The following SPTLC2 variants were observed in gnomAD, a reference collection of about 807,000 sequenced individuals.
The protein encoded by SPTLC2 is serine palmitoyltransferase 2.
SPTLC2 carries 21 observed loss-of-function variants against 62.0 expected under a neutral mutation model. That is an observed-to-expected ratio of 0.34 (90% CI 0.24 to 0.49). SPTLC2 has a LOEUF of 0.49. Ranked by LOEUF, SPTLC2 falls within the 20% of genes least tolerant of loss-of-function variation. The probability of loss-of-function intolerance (pLI) is 0.99; values close to 1 mark genes in which losing one functional copy is unlikely to be tolerated. For synonymous variants in SPTLC2, 261 were observed against 261.8 expected (o/e 1.00, Z 0.03); for missense variants, 511 against 713.0 (o/e 0.72, Z 3.23).
At chr14:77,539,987 G>A (rs988186812) in intron 9 of SPTLC2, among the ~76,000 whole-genome samples, 4 of 151,880 alleles carry the variant, frequency 2.6e-5, no homozygotes, top group African/African-American at 7.3e-5. Context: ...ACCTGGGGTC[G>A]GGAGTTCTAG....
Position 77,508,883 on chromosome 14 carries a change from A to T in SPTLC2, c.*3401T>A, listed in dbSNP as rs2079318736. The T allele has an allele frequency of 6.6e-6, 1 of 152,240 alleles. No individual in the cohort carries two copies. The highest frequency in any genetic ancestry group is 2.1e-4 in the South Asian group (1 of 4,838). 9.4% of individuals were successfully genotyped at this position (152,240 alleles called of 1,614,324 possible). A position where few individuals can be genotyped will look rare whatever the true frequency, so the allele number is the denominator to read the frequency against. The stretch of plus-strand genomic sequence containing the variant: ...GCTATCTTCAAAGCCCAGCACCACC[A>T]TATATTGGTTTTCTCTAGAGTTGGA... On this transcript the variant is annotated 3_prime_UTR_variant, in exon 12 of 12. Transcript: ENST00000216484.
chr14:77,599,513 G>C (rs1305615409), intron 1 of SPTLC2, among the ~76,000 whole-genome samples: 2 of 152,222 alleles, frequency 1.3e-5, no homozygotes, highest in African/African-American at 4.8e-5. Flanking sequence ...GACTGGAATA[G>C]TTCGGAAAGA....
intron 11 of SPTLC2, among the ~76,000 whole-genome samples, chr14:77,516,420 G>A (rs536566989): frequency 4.6e-5 from 7 of 152,232 alleles, no homozygotes; most frequent in African/African-American, 1.7e-4. Context: ...ACTGGTTATA[G>A]TTACACAGAC....
At chr14:77,610,287 A>G (rs554746596) in intron 1 of SPTLC2, among the ~76,000 whole-genome samples, 89 of 152,152 alleles carry the variant, frequency 5.8e-4, no homozygotes, top group African/African-American at 2.1e-3. Flanking sequence ...GATTATAGGC[A>G]CACACCACCA....
At position 77,506,046 on chromosome 14, in the gene SPTLC2, GCTT is replaced by G. The variant is rs1594961857; in HGVS notation, c.*6235_*6237del. 1 of 152,154 alleles carries G rather than the reference GCTT, an allele frequency of 6.6e-6. No homozygotes were observed. The highest frequency in any genetic ancestry group is 1.5e-5 in the Non-Finnish European group (1 of 68,022). 9.4% of individuals were successfully genotyped at this position (152,154 alleles called of 1,614,324 possible). A position where few individuals can be genotyped will look rare whatever the true frequency, so the allele number is the denominator to read the frequency against. On this transcript the variant is annotated 3_prime_UTR_variant, in exon 12 of 12. Coordinates refer to ENST00000216484, the MANE Select transcript of SPTLC2 (RefSeq NM_004863.4). ...GCAAAACAAGATATTTGCATGGGAT[GCTT>G]CTTAAGTCATCTCAAGTAGTTCCCC...
chr14:77,578,977 G>T lies in SPTLC2; in HGVS notation c.460C>A (p.His154Asn), dbSNP rs1205341271. The T allele has an allele frequency of 3.7e-6, 6 of 1,613,898 alleles. No individual in the cohort carries two copies. Among genetic ancestry groups the T allele is most frequent in the Non-Finnish European group, 5.1e-6 (6 of 1,180,016 alleles). ...CACTTGAAGGACCAGTTATAATCATGAGACTGTCTCTCCATGATGTCCACC... is the reference window on the plus strand; with the variant it reads ...CACTTGAAGGACCAGTTATAATCATTAGACTGTCTCTCCATGATGTCCACC... ...ARVDIMERQS[H>N]DYNWSFKYTG... Residue 154 changes from histidine to asparagine, a missense_variant, in exon 3 of 12, where the codon CAT (histidine) becomes AAT (asparagine). Coordinates refer to ENST00000216484, the MANE Select transcript of SPTLC2 (RefSeq NM_004863.4).
intron 2 of SPTLC2, among the ~76,000 whole-genome samples, chr14:77,594,704 T>C (rs894503516): frequency 2.0e-5 from 3 of 152,206 alleles, no homozygotes; most frequent in African/African-American, 7.2e-5. Flanking sequence ...CTCCCAAACA[T>C]TCTTCATGCC....
chr14:77,610,593 C>T (rs2079929901), intron 1 of SPTLC2, among the ~76,000 whole-genome samples: 1 of 152,108 alleles, frequency 6.6e-6, no homozygotes, highest in African/African-American at 2.4e-5. Context: ...GCCCTTAATA[C>T]CTATTTTTTG....
At chr14:77,592,815 A>G (rs1160192485) in intron 2 of SPTLC2, among the ~76,000 whole-genome samples, 1 of 152,166 alleles carries the variant, frequency 6.6e-6, no homozygotes, top group Non-Finnish European at 1.5e-5. Context: ...GCTCCCACTT[A>G]TAAGTGAGAA....
chr14:77,578,366 A>G (rs2079728800), intron 3 of SPTLC2, among the ~76,000 whole-genome samples: 1 of 151,910 alleles, frequency 6.6e-6, no homozygotes, highest in African/African-American at 2.4e-5. Context: ...AAGACCAAAA[A>G]TAAAACAGAC....
At chr14:77,521,803 T>G (rs908562066) in intron 9 of SPTLC2, among the ~76,000 whole-genome samples, 12 of 152,204 alleles carry the variant, frequency 7.9e-5, no homozygotes, top group African/African-American at 2.9e-4. Context: ...GTTATAATAA[T>G]GTAAAAAACG....
At chr14:77,583,684 G>C (rs2079766108) in intron 2 of SPTLC2, among the ~76,000 whole-genome samples, 1 of 152,162 alleles carries the variant, frequency 6.6e-6, no homozygotes, top group African/African-American at 2.4e-5. Context: ...TTACTGAGCA[G>C]TACCTTCCAG....
rs142257634 is a variant in SPTLC2, at chr14:77,563,442, G to C, written c.757-953C>G. 4.7e-3 allele frequency among the ~76,000 whole-genome samples: 719 copies of C among 152,244 alleles called. 6 individuals carry two copies. Among genetic ancestry groups the C allele is most frequent in the African/African-American group, 0.016 (683 of 41,558 alleles). On this transcript the variant is annotated intron_variant, in intron 5 of 11. Coordinates refer to ENST00000216484, the MANE Select transcript of SPTLC2 (RefSeq NM_004863.4). Reference sequence around the variant, plus strand: ...TGAATACTATATTGTGTGTATGTGTGTGTGTGAGATGGAGTCTTGCTCTTG... The same window carrying C: ...TGAATACTATATTGTGTGTATGTGTCTGTGTGAGATGGAGTCTTGCTCTTG...
intron 1 of SPTLC2, among the ~76,000 whole-genome samples, chr14:77,602,066 T>C (rs768278025): frequency 2.0e-5 from 3 of 152,142 alleles, no homozygotes; most frequent in Non-Finnish European, 4.4e-5. Flanking sequence ...CTGCTTTGGC[T>C]GCTCCCCAAC....
Position 77,522,307 on chromosome 14 carries a change from T to G in SPTLC2, c.1304-726A>C, listed in dbSNP as rs183849618. On this transcript the variant is annotated intron_variant, in intron 9 of 11. Coordinates refer to ENST00000216484, the MANE Select transcript of SPTLC2 (RefSeq NM_004863.4). ...GCTTCCTGATAGCTGGGGTTACGGG[T>G]GCACATCACCACGCCCAGCTAACTT... is the stretch of plus-strand genomic sequence containing the variant. Among the ~76,000 whole-genome samples the G allele has an allele frequency of 4.0e-3, 613 of 152,046 alleles. 2 individuals carry two copies. Among genetic ancestry groups the G allele is most frequent in the African/African-American group, 0.014 (586 of 41,474 alleles).
At chr14:77,514,511 G>T (rs996972121) in intron 11 of SPTLC2, among the ~76,000 whole-genome samples, 1 of 152,188 alleles carries the variant, frequency 6.6e-6, no homozygotes, top group Non-Finnish European at 1.5e-5. Context: ...TAGATCACAG[G>T]TAAGGTGGGT....
intron 2 of SPTLC2, among the ~76,000 whole-genome samples, chr14:77,582,349 C>T (rs957428032): frequency 2.6e-5 from 4 of 152,102 alleles, no homozygotes; most frequent in East Asian, 1.9e-4. Context: ...CTATGGCGCC[C>T]GGCCAATCTC....
chr14:77,510,959 G>A lies in SPTLC2; in HGVS notation c.*1325C>T, dbSNP rs1302484232. 1 of 152,558 alleles carries A rather than the reference G, an allele frequency of 6.6e-6. No homozygotes were observed. Among genetic ancestry groups the A allele is most frequent in the Non-Finnish European group, 1.5e-5 (1 of 68,028 alleles). The allele number at this position is 152,558 out of a possible 1,614,324, so 9.5% of individuals were successfully genotyped here. A position where few individuals can be genotyped will look rare whatever the true frequency, so the allele number is the denominator to read the frequency against. ...ATTTTCAGATTTGTTCTTTGGTCAGGCAGTATAAAGCTCTCTGAAAGAAGT... is the reference window on the plus strand; with the variant it reads ...ATTTTCAGATTTGTTCTTTGGTCAGACAGTATAAAGCTCTCTGAAAGAAGT... On this transcript the variant is annotated 3_prime_UTR_variant, in exon 12 of 12. Coordinates refer to ENST00000216484, the MANE Select transcript of SPTLC2 (RefSeq NM_004863.4).
chr14:77,605,685 T>C (rs1035792314), intron 1 of SPTLC2, among the ~76,000 whole-genome samples: 8 of 152,232 alleles, frequency 5.3e-5, no homozygotes, highest in African/African-American at 9.6e-5. Flanking sequence ...ATGACAGCTA[T>C]ATGGGTTGGC....
Sources: gnomAD v4.1 joint callset for allele counts (sites outside exome capture counted in the v4.1 genomes callset) on GRCh38, gnomAD v4.1.1 for gene constraint, MANE v1.5 for transcripts, NCBI Gene and HGNC (gene_info 2026-07-23, HGNC 2026-07-21) for gene names.